GRIK2: variants seen among roughly 807,000 people sequenced by gnomAD.
GRIK2 encodes glutamate ionotropic receptor kainate type subunit 2.
Under a neutral mutation model 100.3 loss-of-function variants are expected in GRIK2, and 32 were observed. That is an observed-to-expected ratio of 0.32 (90% CI 0.24 to 0.43). The LOEUF (loss-of-function observed/expected upper bound fraction) is 0.43. Among genes scored for constraint, GRIK2 ranks in the 20% least tolerant of loss-of-function variants. GRIK2 has a pLI of 1.00. For synonymous variants in GRIK2, 417 were observed against 389.4 expected (o/e 1.07, Z -0.83); for missense variants, 843 against 1,114.9 (o/e 0.76, Z 3.47).
intron 7 of GRIK2, among the ~76,000 whole-genome samples, chr6:101,695,703 G>A (rs1056876930): frequency 6.6e-6 from 1 of 152,002 alleles, no homozygotes; most frequent in Non-Finnish European, 1.5e-5. Flanking sequence ...CCCATCATAA[G>A]TTGAAAATAT....
chr6:101,846,082 C>T (rs1783795151), intron 10 of GRIK2, among the ~76,000 whole-genome samples: 1 of 151,506 alleles, frequency 6.6e-6, no homozygotes, highest in Non-Finnish European at 1.5e-5. Flanking sequence ...TTATATGATT[C>T]ACAATATTTT....
rs1772894570 is a variant in GRIK2, at chr6:101,487,594, C to T, written c.115+88202C>T. On this transcript the variant is annotated intron_variant, in intron 2 of 16. Transcript: ENST00000369134. ...TATAAAACAAACTACTGGAAAAACA[C>T]AGTGCGACTTGCATATACAGTAGTA... is the stretch of plus-strand genomic sequence containing the variant. Among the ~76,000 whole-genome samples the T allele has an allele frequency of 1.4e-5, 2 of 147,042 alleles. 1 individual carries two copies. Among genetic ancestry groups the T allele is most frequent in the African/African-American group, 5.2e-5 (2 of 38,708 alleles).
intron 2 of GRIK2, among the ~76,000 whole-genome samples, chr6:101,420,882 A>T (rs1776379545): frequency 6.6e-6 from 1 of 152,140 alleles, no homozygotes. Context: ...GCACAATTAG[A>T]GGGGAAAAAG....
At chr6:101,935,535 A>C (rs903698420) in intron 14 of GRIK2, among the ~76,000 whole-genome samples, 7 of 151,892 alleles carry the variant, frequency 4.6e-5, no homozygotes, top group Non-Finnish European at 4.4e-5. Flanking sequence ...AGAATTGTAC[A>C]TGAGACTTTG....
At chr6:101,751,263 A>G (rs1176447645) in intron 7 of GRIK2, among the ~76,000 whole-genome samples, 1 of 150,312 alleles carries the variant, frequency 6.7e-6, no homozygotes, top group South Asian at 2.1e-4. Context: ...TTTTTTTTTT[A>G]TTTTTACTTT....
intron 2 of GRIK2, among the ~76,000 whole-genome samples, chr6:101,578,865 T>C (rs938058233): frequency 5.3e-5 from 8 of 152,300 alleles, no homozygotes; most frequent in African/African-American, 1.7e-4. Flanking sequence ...ATTCCATCCA[T>C]TGAGATGCAA....
At chr6:101,589,410 G>A (rs1329707416) in intron 2 of GRIK2, among the ~76,000 whole-genome samples, 5 of 152,070 alleles carry the variant, frequency 3.3e-5, no homozygotes, top group South Asian at 2.1e-4. Flanking sequence ...TCCACCTATC[G>A]GAAGTTTTGT....
At chr6:101,478,511 T>TG in intron 2 of GRIK2, among the ~76,000 whole-genome samples, 2 of 148,732 alleles carry the variant, frequency 1.3e-5, no homozygotes, top group South Asian at 4.2e-4. Context: ...TTTTGGTTTT[T>TG]TTTTTTTTTT....
intron 4 of GRIK2, among the ~76,000 whole-genome samples, chr6:101,658,126 T>TACAC (rs1024589206): frequency 2.6e-5 from 4 of 152,166 alleles, no homozygotes; most frequent in Non-Finnish European, 4.4e-5. Context: ...TAAATAGGTA[T>TACAC]ACACAAGCCA....
intron 14 of GRIK2, among the ~76,000 whole-genome samples, chr6:101,980,570 T>C (rs1793653327): frequency 6.6e-6 from 1 of 151,936 alleles, no homozygotes; most frequent in African/African-American, 2.4e-5. Flanking sequence ...TAGTATTTCC[T>C]ATTTCATTAC....
At position 101,480,453 on chromosome 6, in the gene GRIK2, TA is replaced by T. The variant is rs374214267; in HGVS notation, c.115+81071del. On this transcript the variant is annotated intron_variant, in intron 2 of 16. Coordinates refer to ENST00000369134, the MANE Select transcript of GRIK2 (RefSeq NM_021956.5). ...TCCTATCTTTCTCTTTTGTCAGGAT[TA>T]AAAAAAAAATCTCATTTTTCTACTA... is the stretch of plus-strand genomic sequence containing the variant. 5.8e-3 allele frequency among the ~76,000 whole-genome samples: 874 copies of T among 150,468 alleles called. 7 individuals carry two copies. Among genetic ancestry groups the T allele is most frequent in the African/African-American group, 0.02 (804 of 41,150 alleles).
intron 10 of GRIK2, among the ~76,000 whole-genome samples, chr6:101,820,684 C>T (rs1337836143): frequency 3.3e-5 from 5 of 152,256 alleles, no homozygotes; most frequent in South Asian, 2.1e-4. Flanking sequence ...CCTCGTGATC[C>T]GCCTGCCTCA....
At chr6:101,905,294 C>A (rs952523880) in intron 12 of GRIK2, among the ~76,000 whole-genome samples, 6 of 151,696 alleles carry the variant, frequency 4.0e-5, no homozygotes, top group African/African-American at 1.4e-4. Context: ...ATGGTCCATC[C>A]TGCAAGGCAT....
intron 7 of GRIK2, among the ~76,000 whole-genome samples, chr6:101,725,973 AT>A (rs960284562): frequency 3.3e-5 from 5 of 152,028 alleles, no homozygotes; most frequent in Admixed American, 2.6e-4. Context: ...GTTTATAACA[AT>A]TTTTTTCTAT....
chr6:101,945,174 T>A (rs1791197522), intron 14 of GRIK2, among the ~76,000 whole-genome samples: 1 of 152,186 alleles, frequency 6.6e-6, no homozygotes. Context: ...TTAACTGATT[T>A]TTTTTTAGCT....
intron 12 of GRIK2, among the ~76,000 whole-genome samples, chr6:101,891,359 A>G (rs1464258085): frequency 1.3e-5 from 2 of 151,918 alleles, no homozygotes; most frequent in Admixed American, 6.6e-5. Context: ...TTTACTAAAA[A>G]TACAAAAATT....
intron 14 of GRIK2, among the ~76,000 whole-genome samples, chr6:101,949,352 G>T (rs1236927385): frequency 6.6e-6 from 1 of 151,920 alleles, no homozygotes; most frequent in Non-Finnish European, 1.5e-5. Flanking sequence ...TCAGGTCTAG[G>T]AACTCCTCTT....
intron 2 of GRIK2, among the ~76,000 whole-genome samples, chr6:101,469,676 G>A (rs765171252): frequency 2.3e-4 from 35 of 152,022 alleles, no homozygotes; most frequent in South Asian, 4.2e-4. Context: ...CCTTTTCTTC[G>A]TTTAATAATA....
At chr6:101,956,091 G>A (rs930780543) in intron 14 of GRIK2, among the ~76,000 whole-genome samples, 8 of 151,798 alleles carry the variant, frequency 5.3e-5, no homozygotes, top group South Asian at 2.1e-4. Flanking sequence ...ATTATGTCAC[G>A]TATTTTTATT....
Sources: allele counts gnomAD v4.1 joint callset (sites outside exome capture counted in the v4.1 genomes callset), GRCh38; gene constraint gnomAD v4.1.1; transcripts MANE v1.5; gene names NCBI Gene and HGNC (gene_info 2026-07-23, HGNC 2026-07-21).